CLMN: variants seen among roughly 807,000 people sequenced by gnomAD.
CLMN encodes the protein calmin (calponin-like, transmembrane).
CLMN carries 57 observed loss-of-function variants against 92.7 expected under a neutral mutation model. The observed-to-expected ratio is 0.61, with a 90% CI of 0.50 to 0.77. The LOEUF (loss-of-function observed/expected upper bound fraction) is 0.77. CLMN is among the 30% of genes least tolerant of loss of function. CLMN has a pLI of 0.00. For synonymous variants in CLMN, 466 were observed against 470.6 expected (o/e 0.99, Z 0.13); for missense variants, 1,158 against 1,237.5 (o/e 0.94, Z 0.96).
Position 95,191,030 on chromosome 14 carries a change from C to T in CLMN, c.*534G>A, listed in dbSNP as rs575887510. The T allele has an allele frequency of 1.8e-3, 274 of 152,448 alleles. 2 individuals are homozygous for T. Among genetic ancestry groups the T allele is most frequent in the South Asian group, 3.5e-3 (17 of 4,834 alleles). The allele number at this position is 152,448 out of a possible 1,614,324, so 9.4% of individuals were successfully genotyped here. The stretch of plus-strand genomic sequence containing the variant: ...CACAGAGCTGGCTGCTCGGATTTCC[C>T]CTAGTGAATGCAACCAGTTACCGGA... On this transcript the variant is annotated 3_prime_UTR_variant, in exon 13 of 13. Coordinates refer to ENST00000298912, the MANE Select transcript of CLMN (RefSeq NM_024734.4). The surrounding 1 kb of genome is among the most constrained non-coding windows in gnomAD (Gnocchi z 5.3).
rs1169462966 is a variant in CLMN at position 95,196,573 on chromosome 14, A to G, written c.2633T>C (p.Leu878Pro). 6.2e-7 allele frequency: 1 copy of G among 1,614,238 alleles called. No individual in the cohort carries two copies. The highest frequency in any genetic ancestry group is 1.7e-5 in the Admixed American group (1 of 60,032). Residue 878 changes from leucine (L) to proline (P), a missense_variant, in exon 10 of 13, where the codon CTA becomes CCA. By Grantham distance (98) the Leu-to-Pro change is moderately conservative. Coordinates refer to ENST00000298912, the MANE Select transcript of CLMN (RefSeq NM_024734.4). Reference sequence around the variant, plus strand: ...TTGAACACTTCCTGGTGCTACAAATAGTGAACTTTCTACGTGGTCCACATG... The same window carrying G: ...TTGAACACTTCCTGGTGCTACAAATGGTGAACTTTCTACGTGGTCCACATG... ...RKHVDHVESS[L>P]FVAPGSVQSS...
At chr14:95,204,749 A>G (rs143973089) in intron 8 of CLMN, among the ~76,000 whole-genome samples, 150 of 152,348 alleles carry the variant, frequency 9.8e-4, no homozygotes, top group African/African-American at 3.2e-3. Flanking sequence ...ACGAATCTCA[A>G]TGAAACCAAG....
intron 1 of CLMN, among the ~76,000 whole-genome samples, chr14:95,274,337 C>A (rs1345711587): frequency 6.6e-6 from 1 of 152,074 alleles, no homozygotes; most frequent in African/African-American, 2.4e-5. Flanking sequence ...TTATGAACTT[C>A]CCAGGGCTAC....
chr14:95,226,476 T>C (rs1326424307), intron 2 of CLMN, among the ~76,000 whole-genome samples: 2 of 152,214 alleles, frequency 1.3e-5, no homozygotes, highest in Non-Finnish European at 2.9e-5. Context: ...GGTAATGCTT[T>C]GCTTGAAGAA....
At chr14:95,218,243 C>T (rs569080565) in intron 4 of CLMN, among the ~76,000 whole-genome samples, 10 of 152,234 alleles carry the variant, frequency 6.6e-5, no homozygotes, top group African/African-American at 2.2e-4. Context: ...ACAGCCATCC[C>T]GAGAATGGAG....
chr14:95,254,806 C>T (rs188036385), intron 1 of CLMN, among the ~76,000 whole-genome samples: 9 of 152,200 alleles, frequency 5.9e-5, no homozygotes, highest in East Asian at 5.8e-4. Flanking sequence ...TTAAGTGATC[C>T]GCTGGACTCA....
chr14:95,283,528 G>C (rs1382920765), intron 1 of CLMN, among the ~76,000 whole-genome samples: 1 of 152,202 alleles, frequency 6.6e-6, no homozygotes, highest in Non-Finnish European at 1.5e-5. Context: ...GACAATGTAG[G>C]AAAGTTTGGA....
At chr14:95,242,440 A>G (rs1898286743) in intron 1 of CLMN, among the ~76,000 whole-genome samples, 1 of 151,324 alleles carries the variant, frequency 6.6e-6, no homozygotes, top group Non-Finnish European at 1.5e-5. Context: ...TTGTATTTCT[A>G]GTAGAGATGG....
chr14:95,317,079 A>C (rs1342428145), intron 1 of CLMN, among the ~76,000 whole-genome samples: 1 of 152,200 alleles, frequency 6.6e-6, no homozygotes, highest in Non-Finnish European at 1.5e-5. Flanking sequence ...AGTTCAGAAG[A>C]ACAAGGCCCC....
intron 1 of CLMN, among the ~76,000 whole-genome samples, chr14:95,304,664 AT>A (rs895036022): frequency 6.6e-6 from 1 of 152,118 alleles, no homozygotes; most frequent in Non-Finnish European, 1.5e-5. Context: ...ATATAGTACA[AT>A]TGTACTGATT....
chr14:95,253,087 T>G (rs1898853022), intron 1 of CLMN, among the ~76,000 whole-genome samples: 1 of 152,166 alleles, frequency 6.6e-6, no homozygotes, highest in Non-Finnish European at 1.5e-5. Flanking sequence ...TGGTCTTGTG[T>G]GGACCTTGGC....
At position 95,221,674 on chromosome 14, in the gene CLMN, G is replaced by A. The variant is rs757553279; in HGVS notation, c.324+17C>T. 4.4e-6 allele frequency: 7 copies of A among 1,606,060 alleles called. No individual in the cohort carries two copies. The highest frequency in any genetic ancestry group is 1.1e-5 in the South Asian group (1 of 90,712). On this transcript the variant is annotated intron_variant, in intron 4 of 12. Coordinates refer to ENST00000298912, the MANE Select transcript of CLMN (RefSeq NM_024734.4). ...CAGGACAAGCTTGTGTTAGCAGGAT[G>A]AGCTTCAAACACTTACATTGCTATC...
intron 1 of CLMN, among the ~76,000 whole-genome samples, chr14:95,271,136 T>C (rs1175040701): frequency 6.6e-6 from 1 of 152,230 alleles, no homozygotes; most frequent in Non-Finnish European, 1.5e-5. Context: ...TCAAATCCTT[T>C]GCCCATTTTT....
chr14:95,315,809 C>T (rs1384597690), intron 1 of CLMN, among the ~76,000 whole-genome samples: 4 of 152,258 alleles, frequency 2.6e-5, no homozygotes, highest in African/African-American at 9.6e-5. Context: ...TACAGTCTGG[C>T]TGGGTGCCCA....
At chr14:95,292,428 T>TCCCCCCCCCCCCCCCCCCCC (rs1263766978) in intron 1 of CLMN, among the ~76,000 whole-genome samples, 5 of 74,058 alleles carry the variant, frequency 6.8e-5, no homozygotes, top group Admixed American at 2.9e-4. Flanking sequence ...CCCCCAAGGG[T>TCCCCCCCCCCCCCCCCCCCC]CCCCCACCCC....
At chr14:95,308,841 C>G (rs557230666) in intron 1 of CLMN, among the ~76,000 whole-genome samples, 1 of 152,274 alleles carries the variant, frequency 6.6e-6, no homozygotes, top group East Asian at 1.9e-4. Flanking sequence ...CGTGCGCACG[C>G]ATGGGGGACC....
chr14:95,212,207 G>T lies in CLMN; in HGVS notation c.608+1012C>A, dbSNP rs145428215. 4.5e-4 allele frequency among the ~76,000 whole-genome samples: 68 copies of T among 152,352 alleles called. No homozygotes were observed. In the South Asian group the frequency reaches 5.6e-3, roughly 13 times the overall value. Reference sequence around the variant, plus strand: ...AATATGGGCTGGCACTGTGCAAGGTGCTCTTTCATGGATTTTATTTAATTT... The same window carrying T: ...AATATGGGCTGGCACTGTGCAAGGTTCTCTTTCATGGATTTTATTTAATTT... On this transcript the variant is annotated intron_variant, in intron 6 of 12. Transcript: ENST00000298912.
chr14:95,298,098 G>A (rs1466896256), intron 1 of CLMN, among the ~76,000 whole-genome samples: 1 of 152,182 alleles, frequency 6.6e-6, no homozygotes. Context: ...TAAAGTCACA[G>A]AATTCTCGAC....
chr14:95,205,580 A>T (rs1897025173), intron 8 of CLMN, among the ~76,000 whole-genome samples: 1 of 152,252 alleles, frequency 6.6e-6, no homozygotes, highest in Admixed American at 6.5e-5. Flanking sequence ...TAGCTATTTA[A>T]AGCAAAAATA....
Sources: allele counts gnomAD v4.1 joint callset (sites outside exome capture counted in the v4.1 genomes callset), GRCh38; gene constraint gnomAD v4.1.1; non-coding constraint Gnocchi (gnomAD v3.1); transcripts MANE v1.5; gene names NCBI Gene and HGNC (gene_info 2026-07-23, HGNC 2026-07-21).